SFMBT2: variants seen among roughly 807,000 people sequenced by gnomAD.
SFMBT2 encodes scm-like with four MBT domains protein 2.
Under a neutral mutation model 110.1 loss-of-function variants are expected in SFMBT2, and 38 were observed. The observed-to-expected ratio is 0.35, with a 90% confidence interval of 0.27 to 0.45. The LOEUF (loss-of-function observed/expected upper bound fraction) is 0.45. Ranked by LOEUF, SFMBT2 falls within the 20% of genes least tolerant of loss-of-function variation. The probability of loss-of-function intolerance (pLI) is 1.00; values close to 1 mark genes in which losing one functional copy is unlikely to be tolerated. For missense variants in SFMBT2, 1,011 were observed against 1,094.9 expected, an observed-to-expected ratio of 0.92 and a Z score of 1.08; for synonymous variants, 425 against 425.4, an observed-to-expected ratio of 1.00 and a Z score of 0.01.
At chr10:7,198,254 C>G in intron 14 of SFMBT2, 1 of 523,918 alleles carries the variant, frequency 1.9e-6, no homozygotes, top group Non-Finnish European at 2.4e-6. Flanking sequence ...CATTTTTTTA[C>G]TTCTTTGACT....
chr10:7,234,618 C>T (rs1840203169), intron 9 of SFMBT2, among the ~76,000 whole-genome samples: 3 of 152,060 alleles, frequency 2.0e-5, no homozygotes, highest in South Asian at 4.1e-4. Context: ...CAAAAGTGAC[C>T]GTTTTGCTCA....
In SFMBT2 at chr10:7,172,304, C is replaced by A. The variant is rs754849772; in HGVS notation, c.2152-146G>T. 110 of 1,453,764 alleles carry A rather than the reference C, an allele frequency of 7.6e-5. No individual in the cohort carries two copies. The highest frequency in any genetic ancestry group is 9.6e-5 in the Non-Finnish European group (106 of 1,106,096). The allele number at this position is 1,453,764 out of a possible 1,614,324, so 90.1% of individuals were successfully genotyped here. ...GGTCCCACCCGTGGGCCCTACGAGGCCCTTCCCAGCCAAAGCAGCTGGACA... is the reference window on the plus strand; with the variant it reads ...GGTCCCACCCGTGGGCCCTACGAGGACCTTCCCAGCCAAAGCAGCTGGACA... On this transcript the variant is annotated intron_variant, in intron 18 of 20. Coordinates refer to ENST00000397167, the MANE Select transcript of SFMBT2 (RefSeq NM_001387889.1). The surrounding 1 kb of genome is among the most constrained non-coding windows in gnomAD (Gnocchi z 4.6).
chr10:7,363,799 A>C (rs1163573248), intron 4 of SFMBT2, among the ~76,000 whole-genome samples: 1 of 152,204 alleles, frequency 6.6e-6, no homozygotes, highest in Non-Finnish European at 1.5e-5. Flanking sequence ...ATAAGAACTC[A>C]GATCTTGGGC....
intron 7 of SFMBT2, among the ~76,000 whole-genome samples, chr10:7,264,688 G>A (rs528948517): frequency 3.3e-5 from 5 of 152,054 alleles, no homozygotes; most frequent in Non-Finnish European, 5.9e-5. Flanking sequence ...CACCTCACCC[G>A]TCAGCTACAT....
intron 7 of SFMBT2, among the ~76,000 whole-genome samples, chr10:7,255,937 G>A (rs1041188734): frequency 3.3e-5 from 5 of 152,200 alleles, no homozygotes; most frequent in African/African-American, 7.2e-5. Context: ...CAAATGTACT[G>A]CAAATATTCC....
At chr10:7,181,767 G>A (rs1221670448) in intron 16 of SFMBT2, among the ~76,000 whole-genome samples, 1 of 151,920 alleles carries the variant, frequency 6.6e-6, no homozygotes, top group Non-Finnish European at 1.5e-5. Context: ...TACAAATTAG[G>A]GTAACTGTTG....
At chr10:7,177,199 T>C (rs1168429317) in intron 16 of SFMBT2, among the ~76,000 whole-genome samples, 4 of 152,204 alleles carry the variant, frequency 2.6e-5, no homozygotes, top group African/African-American at 4.8e-5. Flanking sequence ...GAGTGATAGA[T>C]AGTGGATGAA....
chr10:7,184,470 T>A (rs2762610), intron 16 of SFMBT2, among the ~76,000 whole-genome samples: 23,171 of 152,208 alleles, frequency 0.15, 1,895 homozygotes, highest in Middle Eastern at 0.17. Context: ...CGTGGAACTG[T>A]GAGTCCATTT....
intron 1 of SFMBT2, among the ~76,000 whole-genome samples, chr10:7,387,459 C>T (rs775367575): frequency 9.9e-5 from 15 of 152,130 alleles, no homozygotes; most frequent in African/African-American, 3.4e-4. Flanking sequence ...TCCGTCCAAC[C>T]GCACACATAA....
intron 4 of SFMBT2, among the ~76,000 whole-genome samples, chr10:7,299,130 AC>A (rs1269875111): frequency 1.3e-5 from 2 of 152,012 alleles, no homozygotes; most frequent in East Asian, 1.9e-4. Flanking sequence ...AACCATAAAA[AC>A]CCCGGAAGAA....
chr10:7,308,170 C>G (rs139881775), intron 4 of SFMBT2, among the ~76,000 whole-genome samples: 1 of 152,122 alleles, frequency 6.6e-6, no homozygotes, highest in Admixed American at 6.5e-5. Context: ...GCCCAGGCAA[C>G]AGAGCAAGAC....
chr10:7,276,780 C>T, intron 7 of SFMBT2, 112 bp downstream of exon 7: 2 of 695,102 alleles, frequency 2.9e-6, no homozygotes, highest in Non-Finnish European at 5.3e-6. Flanking sequence ...CCCACCTCAG[C>T]CTCTCAAAGT....
At chr10:7,168,354 A>C (rs1837760265) in intron 20 of SFMBT2, among the ~76,000 whole-genome samples, 1 of 152,238 alleles carries the variant, frequency 6.6e-6, no homozygotes, top group Non-Finnish European at 1.5e-5. Context: ...TAGAAATGAG[A>C]AATCTGCTCT....
At chr10:7,213,465 G>C (rs1170211136) in intron 11 of SFMBT2, among the ~76,000 whole-genome samples, 2 of 152,132 alleles carry the variant, frequency 1.3e-5, no homozygotes, top group East Asian at 1.9e-4. Context: ...CATGGGTTGT[G>C]GGGGTGGTGG....
chr10:7,400,957 A>AC (rs1404646096), intron 1 of SFMBT2, among the ~76,000 whole-genome samples: 2 of 151,938 alleles, frequency 1.3e-5, no homozygotes, highest in African/African-American at 4.8e-5. Flanking sequence ...ACATGGTGAA[A>AC]CCCCGTCTCT....
chr10:7,370,910 C>T (rs1405046000), intron 2 of SFMBT2: 1 of 459,068 alleles, frequency 2.2e-6, no homozygotes, highest in East Asian at 1.6e-4. Flanking sequence ...CAGTCAACAA[C>T]ACAAACCGAC....
chr10:7,172,078 C>G lies in SFMBT2; in HGVS notation c.2232G>C (p.Gln744His). 1 of 1,607,404 alleles carries G rather than the reference C, an allele frequency of 6.2e-7. No individual in the cohort carries two copies. Among genetic ancestry groups the G allele is most frequent in the Admixed American group, 1.7e-5 (1 of 59,240 alleles). ...EETGSELRDD[Q>H]TDTSSAEVPS... The stretch of plus-strand genomic sequence containing the variant: ...GCACCTCCGCCGACGAGGTGTCCGT[C>G]TGGTCATCCCGGAGCTCGGAGCCGG... The change falls in exon 19 of 21, where the codon CAG (glutamine) becomes CAC (histidine). Residue 744 changes from glutamine (Q) to histidine (H), a missense_variant. This residue lies in a region of SFMBT2 where 979 missense variants were observed against 1,016.1 expected (regional missense o/e 0.96). Transcript: ENST00000397167. This position sits in a 1 kb window ranked among gnomAD's most constrained non-coding sequence, Gnocchi z 4.6.
chr10:7,213,218 C>T (rs952601433), intron 11 of SFMBT2, among the ~76,000 whole-genome samples: 1 of 149,248 alleles, frequency 6.7e-6, no homozygotes, highest in Non-Finnish European at 1.5e-5. Flanking sequence ...GCACGTTCTG[C>T]ACACGTATCC....
chr10:7,172,026 T>A lies in SFMBT2; in HGVS notation c.2284A>T (p.Thr762Ser). ...ACGGGCTCTGAGCCGCTCCGCAGGG[T>A]GACGGCCCTCCGGGGCCGGGCCGAG... ...VPSARPRRAV[T>S]LRSGSEPVRR... is the part of the protein sequence containing the mutation. The change falls in exon 19 of 21, where the codon ACC (threonine) becomes TCC (serine). Residue 762 changes from threonine to serine, a missense_variant. Coordinates refer to ENST00000397167, the MANE Select transcript of SFMBT2 (RefSeq NM_001387889.1). This position sits in a 1 kb window ranked among gnomAD's most constrained non-coding sequence, Gnocchi z 4.6. The A allele has an allele frequency of 6.3e-7, 1 of 1,585,696 alleles. No homozygotes were observed. The highest frequency in any genetic ancestry group is 8.6e-7 in the Non-Finnish European group (1 of 1,167,656).
Sources: gnomAD v4.1 joint callset for allele counts (sites outside exome capture counted in the v4.1 genomes callset) on GRCh38, gnomAD v4.1.1 for gene constraint, gnomAD v4.1.1 regional missense constraint, Gnocchi (gnomAD v3.1) non-coding constraint, MANE v1.5 for transcripts, NCBI Gene and HGNC (gene_info 2026-07-23, HGNC 2026-07-21) for gene names.